Variants in RYR3 observed in about 807,000 individuals in gnomAD.
RYR3 encodes brain ryanodine receptor-calcium release channel.
In RYR3, 207 loss-of-function variants were observed where a neutral mutation model predicts 584.3. That is an observed-to-expected ratio of 0.35 (90% CI 0.32 to 0.40). The LOEUF is 0.40. RYR3 is among the 10% of genes least tolerant of loss of function. RYR3 has a pLI of 1.00. For missense variants in RYR3, 5,616 were observed against 6,089.2 expected (o/e 0.92, Z 2.59); for synonymous variants, 2,416 against 2,248.5 (o/e 1.07, Z -2.11).
intron 1 of RYR3, among the ~76,000 whole-genome samples, chr15:33,321,722 A>G (rs1347000989): frequency 6.6e-6 from 1 of 152,220 alleles, no homozygotes; most frequent in Non-Finnish European, 1.5e-5. Flanking sequence ...AAACTAAAGC[A>G]AGATTTCTTC....
chr15:33,636,886 C>T (rs2061529670), intron 27 of RYR3, among the ~76,000 whole-genome samples: 1 of 152,174 alleles, frequency 6.6e-6, no homozygotes, highest in Non-Finnish European at 1.5e-5. Context: ...ATGTCATTGA[C>T]AGGAGAGAAA....
chr15:33,829,421 T>C (rs539364139), intron 85 of RYR3, among the ~76,000 whole-genome samples: 3 of 152,134 alleles, frequency 2.0e-5, no homozygotes, highest in Non-Finnish European at 1.5e-5. Context: ...GTTGAAAACC[T>C]TCTGGAAAGG....
chr15:33,651,199 A>G (rs1040609074), intron 31 of RYR3, among the ~76,000 whole-genome samples: 1 of 152,256 alleles, frequency 6.6e-6, no homozygotes, highest in African/African-American at 2.4e-5. Flanking sequence ...AGAAATAAAT[A>G]CAAAATCCGT....
chr15:33,331,928 T>C (rs1970421161), intron 1 of RYR3, among the ~76,000 whole-genome samples: 1 of 152,040 alleles, frequency 6.6e-6, no homozygotes, highest in Non-Finnish European at 1.5e-5. Flanking sequence ...TGATAAAGAA[T>C]TCTTAGATCC....
At chr15:33,659,831 T>C (rs761441616) in intron 33 of RYR3, 25 bp downstream of exon 33, 3 of 1,468,618 alleles carry the variant, frequency 2.0e-6, no homozygotes, top group Non-Finnish European at 2.9e-6. Context: ...TCTCATCTAA[T>C]GGCCATGACA....
intron 38 of RYR3, among the ~76,000 whole-genome samples, chr15:33,684,296 A>G (rs895664869): frequency 6.6e-6 from 1 of 152,196 alleles, no homozygotes; most frequent in Non-Finnish European, 1.5e-5. Context: ...TAGAGGAAGG[A>G]TCAGGCAGCA....
intron 18 of RYR3, among the ~76,000 whole-genome samples, chr15:33,611,201 G>A (rs1018525147): frequency 2.6e-5 from 4 of 151,982 alleles, no homozygotes; most frequent in Non-Finnish European, 5.9e-5. Context: ...ACAATAAAAT[G>A]TTTGAGATAT....
At chr15:33,478,679 C>T (rs994245256) in intron 2 of RYR3, among the ~76,000 whole-genome samples, 1 of 152,146 alleles carries the variant, frequency 6.6e-6, no homozygotes, top group Admixed American at 6.5e-5. Flanking sequence ...AACACTTACC[C>T]CACAGTAATC....
At chr15:33,748,898 T>C (rs1039459854) in intron 55 of RYR3, among the ~76,000 whole-genome samples, 1 of 152,188 alleles carries the variant, frequency 6.6e-6, no homozygotes, top group African/African-American at 2.4e-5. Flanking sequence ...ACCTATAACC[T>C]ACACACATCC....
chr15:33,634,867 G>A lies in RYR3; in HGVS notation c.3175+134G>A. ...GGGCTGAAGAGCACTAGACTAAATG[G>A]TGTGATTTTTTTTATTGTTATCGGG... On this transcript the variant is annotated intron_variant, in intron 25 of 103. Coordinates refer to ENST00000634891, the MANE Select transcript of RYR3 (RefSeq NM_001036.6). The A allele has an allele frequency of 4.1e-6, 3 of 724,394 alleles. No homozygotes were observed. The South Asian group carries it at 5.6e-5, about 14-fold the overall frequency. 44.9% of individuals were successfully genotyped at this position (724,394 alleles called of 1,614,324 possible).
intron 35 of RYR3, among the ~76,000 whole-genome samples, 179 bp downstream of exon 35, chr15:33,663,127 T>C (rs960687147): frequency 5.9e-5 from 9 of 152,066 alleles, no homozygotes; most frequent in Non-Finnish European, 1.3e-4. Context: ...AGTGATAAGA[T>C]TGGTAATAAC....
At chr15:33,349,099 C>G (rs538033058) in intron 1 of RYR3, among the ~76,000 whole-genome samples, 17 of 136,980 alleles carry the variant, frequency 1.2e-4, no homozygotes, top group African/African-American at 4.6e-4. Context: ...GGCTTGATAG[C>G]TTGTGCCTTT....
At chr15:33,746,999 C>A (rs1442462027) in intron 53 of RYR3, among the ~76,000 whole-genome samples, 1 of 150,862 alleles carries the variant, frequency 6.6e-6, no homozygotes, top group African/African-American at 2.4e-5. Context: ...TTAGCAGAGA[C>A]GGGGTTTCGC....
chr15:33,736,259 G>A lies in RYR3; in HGVS notation c.7449G>A (p.Gln2483=). The part of the protein sequence containing the change: ...ICNHLRPSML[Q]QLLRRLVFDV... ...GTCACTTGAGGCCTTCCATGTTACAGCAACTCCTGCGACGCCTCGTTTTTG... is the reference window on the plus strand; with the variant it reads ...GTCACTTGAGGCCTTCCATGTTACAACAACTCCTGCGACGCCTCGTTTTTG... Residue 2483 remains glutamine (Q), a synonymous_variant, in exon 49 of 104, where the codon CAG becomes CAA. Coordinates refer to ENST00000634891, the MANE Select transcript of RYR3 (RefSeq NM_001036.6). 1.9e-6 allele frequency: 3 copies of A among 1,612,844 alleles called. No individual in the cohort carries two copies. The highest frequency in any genetic ancestry group is 2.5e-6 in the Non-Finnish European group (3 of 1,179,324).
Position 33,323,760 on chromosome 15 carries a change from C to G in RYR3, c.51+12664C>G, listed in dbSNP as rs140856123. ...ACTCAACCACATCCTGTGCTTGACT[C>G]CCAGCTGTTTGGGAGGTGGTAACTT... is the stretch of plus-strand genomic sequence containing the variant. On this transcript the variant is annotated intron_variant, in intron 1 of 103. Transcript: ENST00000634891. Among the ~76,000 whole-genome samples the G allele has an allele frequency of 1.3e-4, 20 of 152,282 alleles. No homozygotes were observed. The East Asian group carries it at 3.7e-3, about 28-fold the overall frequency.
chr15:33,603,442 C>A, intron 18 of RYR3, 78 bp downstream of exon 18: 1 of 1,423,424 alleles, frequency 7.0e-7, no homozygotes, highest in Non-Finnish European at 9.5e-7. Flanking sequence ...CTGAAATGAC[C>A]ACTTCCATTT....
chr15:33,564,398 G>C (rs1040337459), intron 11 of RYR3, among the ~76,000 whole-genome samples: 2 of 152,198 alleles, frequency 1.3e-5, no homozygotes, highest in Non-Finnish European at 2.9e-5. Flanking sequence ...TTCGGGGTAT[G>C]ACAAGTTGGA....
intron 1 of RYR3, among the ~76,000 whole-genome samples, chr15:33,360,895 C>T (rs1974668335): frequency 2.6e-5 from 4 of 152,246 alleles, no homozygotes; most frequent in Admixed American, 2.0e-4. Flanking sequence ...GGACAGTAGA[C>T]AGACCTGAGC....
At chr15:33,530,201 C>T (rs1161882505) in intron 3 of RYR3, among the ~76,000 whole-genome samples, 1 of 152,244 alleles carries the variant, frequency 6.6e-6, no homozygotes, top group East Asian at 1.9e-4. Flanking sequence ...GCCTGCCACA[C>T]TGCCTTTGTG....
Sources: gnomAD v4.1 joint callset for allele counts (sites outside exome capture counted in the v4.1 genomes callset) on GRCh38, gnomAD v4.1.1 for gene constraint, MANE v1.5 for transcripts, NCBI Gene and HGNC (gene_info 2026-07-23, HGNC 2026-07-21) for gene names.